The following SMC1B variants were observed in gnomAD, a reference collection of about 807,000 sequenced individuals.
The protein encoded by SMC1B is structural maintenance of chromosomes protein 1B.
SMC1B carries 60 observed loss-of-function variants against 157.9 expected under a neutral mutation model. The observed-to-expected ratio is 0.38, with a 90% CI of 0.31 to 0.47. The LOEUF (loss-of-function observed/expected upper bound fraction) is 0.47. Among genes scored for constraint, SMC1B ranks in the 20% least tolerant of loss-of-function variants. The pLI is 0.99. For synonymous variants in SMC1B, 445 were observed against 483.0 expected (o/e 0.92, Z 1.03); for missense variants, 1,165 against 1,426.2 (o/e 0.82, Z 2.95).
intron 12 of SMC1B, among the ~76,000 whole-genome samples, chr22:45,378,085 G>T (rs1231569795): frequency 6.6e-6 from 1 of 151,866 alleles, no homozygotes; most frequent in African/African-American, 2.4e-5. Context: ...TTTTTAGAGT[G>T]ACTAATAAGT....
chr22:45,411,709 CCT>C lies in SMC1B; in HGVS notation c.109+1748_109+1749del, dbSNP rs765928463. Among the ~76,000 whole-genome samples, 71 of 152,164 alleles carry C rather than the reference CCT, an allele frequency of 4.7e-4. 1 individual carries two copies. Among genetic ancestry groups the C allele is most frequent in the Middle Eastern group, 3.4e-3 (1 of 294 alleles). ...TCAAGCGATTCTCCTGCCTCAGTCC[CCT>C]GAGTAGCTGGGACTACAGGCGTGCG... is the stretch of plus-strand genomic sequence containing the variant. On this transcript the variant is annotated intron_variant, in intron 1 of 24. Transcript: ENST00000357450.
chr22:45,399,494 C>T, intron 5 of SMC1B, 141 bp from the exon 6 acceptor site: 1 of 800,098 alleles, frequency 1.2e-6, no homozygotes, highest in South Asian at 2.0e-5. Context: ...CAATGGTTGC[C>T]AAAGGTTGAG....
Position 45,394,698 on chromosome 22 carries a change from T to C in SMC1B, c.1324A>G (p.Thr442Ala). ...KKRIEKLEEY[T>A]KTCMDCLKEK... ...TACTCTACCTACATGCATGTCTTTG[T>C]ATACTCCTCTAACTTCTCTATTCGT... is the stretch of plus-strand genomic sequence containing the variant. Residue 442 changes from threonine to alanine, a missense_variant, in exon 8 of 25, where the codon ACA becomes GCA. Coordinates refer to ENST00000357450, the MANE Select transcript of SMC1B (RefSeq NM_148674.5). 1 of 1,557,212 alleles carries C rather than the reference T, an allele frequency of 6.4e-7. No homozygotes were observed. Among genetic ancestry groups the C allele is most frequent in the Non-Finnish European group, 8.7e-7 (1 of 1,147,260 alleles).
rs1393716386 is a variant in SMC1B at position 45,352,465 on chromosome 22, C to T, written c.3411G>A (p.Leu1137=). Residue 1137 remains leucine, a synonymous_variant, in exon 22 of 25, where the codon CTG becomes CTA. Coordinates refer to ENST00000357450, the MANE Select transcript of SMC1B (RefSeq NM_148674.5). ...TGTGACCTTACCTGTGCACAGCAAA[C>T]AGGAGAGCCAAGGCTGCCACACACT... The part of the protein sequence containing the change: ...GEKCVAALAL[L]FAVHSFRPAP... 2 of 1,613,706 alleles carry T rather than the reference C, an allele frequency of 1.2e-6. No homozygotes were observed. The highest frequency in any genetic ancestry group is 1.7e-6 in the Non-Finnish European group (2 of 1,179,862).
intron 8 of SMC1B, among the ~76,000 whole-genome samples, chr22:45,394,335 A>G (rs1306157595): frequency 6.6e-6 from 1 of 152,044 alleles, no homozygotes; most frequent in African/African-American, 2.4e-5. Context: ...AAAAAAAGGA[A>G]GAAATACATA....
intron 15 of SMC1B, among the ~76,000 whole-genome samples, chr22:45,366,851 T>C (rs185860498): frequency 6.6e-6 from 1 of 152,236 alleles, no homozygotes; most frequent in Non-Finnish European, 1.5e-5. Flanking sequence ...ATTCTTTTTT[T>C]CTCTTCTGTC....
At chr22:45,355,519 CTG>C (rs1368626207) in intron 19 of SMC1B, among the ~76,000 whole-genome samples, 1 of 152,144 alleles carries the variant, frequency 6.6e-6, no homozygotes, top group Non-Finnish European at 1.5e-5. Context: ...AGGTCTCACT[CTG>C]TTGCTCAGGC....
chr22:45,396,471 C>A lies in SMC1B; in HGVS notation c.1129G>T (p.Glu377Ter). The A allele has an allele frequency of 6.2e-7, 1 of 1,612,040 alleles. No homozygotes were observed. Among genetic ancestry groups the A allele is most frequent in the Non-Finnish European group, 8.5e-7 (1 of 1,179,228 alleles). ...LEASQLDRYK[E>*]LKEQVRKKVA... ...TTCTTTCTTACTTGTTCCTTAAGTT[C>A]TTTATAACGATCCAGCTGCATAAAC... The change falls in exon 7 of 25, where the codon GAA becomes TAA. Residue 377 changes from glutamate (E) to a stop codon, truncating the protein, a stop_gained. Transcript: ENST00000357450. LOFTEE classifies it high-confidence loss of function.
At chr22:45,345,624 CTG>C in intron 23 of SMC1B, 55 bp from the exon 24 acceptor site, 1 of 1,068,452 alleles carries the variant, frequency 9.4e-7, no homozygotes, top group South Asian at 1.3e-5. Flanking sequence ...TGTCTGGGCT[CTG>C]GAGACAGTAA....
At chr22:45,406,979 A>G in intron 2 of SMC1B, 114 bp from the exon 3 acceptor site, 1 of 665,422 alleles carries the variant, frequency 1.5e-6, no homozygotes, top group Non-Finnish European at 2.4e-6. Flanking sequence ...GTTATATAAT[A>G]ATATACATGG....
chr22:45,371,620 G>A (rs1311071817), intron 13 of SMC1B, 33 bp from the exon 14 acceptor site: 1 of 1,565,438 alleles, frequency 6.4e-7, no homozygotes, highest in South Asian at 1.2e-5. Context: ...TTTTTAACAT[G>A]GCTGTTTTAG....
intron 4 of SMC1B, among the ~76,000 whole-genome samples, chr22:45,405,109 T>C (rs960026262): frequency 1.3e-5 from 2 of 151,954 alleles, no homozygotes; most frequent in Non-Finnish European, 2.9e-5. Flanking sequence ...GTATGTAAAA[T>C]CAGGCACACA....
At chr22:45,364,431 A>G (rs1359182900) in intron 15 of SMC1B, among the ~76,000 whole-genome samples, 2 of 152,258 alleles carry the variant, frequency 1.3e-5, no homozygotes, top group Admixed American at 1.3e-4. Flanking sequence ...CAGTGTTATA[A>G]AAGTTTTTAC....
chr22:45,413,363 C>T (rs2087376347), intron 1 of SMC1B, 96 bp downstream of exon 1: 1 of 963,264 alleles, frequency 1.0e-6, no homozygotes, highest in South Asian at 1.7e-5. Flanking sequence ...GCCGGCCAGG[C>T]GCCCGCGGCA....
At chr22:45,412,610 G>A (rs950062860) in intron 1 of SMC1B, among the ~76,000 whole-genome samples, 2 of 144,654 alleles carry the variant, frequency 1.4e-5, no homozygotes, top group Admixed American at 7.3e-5. Context: ...AGGTTCAAGC[G>A]ATTCTCCCGC....
chr22:45,368,765 T>G (rs34741221), intron 15 of SMC1B, among the ~76,000 whole-genome samples: 7,720 of 152,158 alleles, frequency 0.051, 247 homozygotes, highest in Non-Finnish European at 0.077. Context: ...CCCACCTGCC[T>G]CGGTCGGCCT....
chr22:45,352,260 G>A (rs1229490090), intron 22 of SMC1B, among the ~76,000 whole-genome samples, 191 bp downstream of exon 22: 1 of 151,368 alleles, frequency 6.6e-6, no homozygotes, highest in Non-Finnish European at 1.5e-5. Context: ...TAAGAATTCT[G>A]TCTTCGATTT....
intron 4 of SMC1B, among the ~76,000 whole-genome samples, chr22:45,403,480 G>A (rs777302257): frequency 6.6e-6 from 1 of 150,460 alleles, no homozygotes; most frequent in Non-Finnish European, 1.5e-5. Flanking sequence ...TTGAAACAGA[G>A]TTTTGCTCTC....
intron 5 of SMC1B, among the ~76,000 whole-genome samples, chr22:45,400,575 T>C (rs191736177): frequency 7.9e-5 from 12 of 152,220 alleles, no homozygotes; most frequent in Admixed American, 3.9e-4. Context: ...TCCAAAAAAA[T>C]CATGTAGATA....
Sources: gnomAD v4.1 joint callset for allele counts (sites outside exome capture counted in the v4.1 genomes callset) on GRCh38, gnomAD v4.1.1 for gene constraint, MANE v1.5 for transcripts, NCBI Gene and HGNC (gene_info 2026-07-23, HGNC 2026-07-21) for gene names.